Variants in BNC2 observed in about 807,000 individuals in gnomAD.
BNC2 encodes zinc finger protein basonuclin-2.
In BNC2, 20 loss-of-function variants were observed where a neutral mutation model predicts 76.3. The observed-to-expected ratio is 0.26, with a 90% CI of 0.18 to 0.38. BNC2 has a LOEUF of 0.38. Among genes scored for constraint, BNC2 ranks in the 10% least tolerant of loss-of-function variants. BNC2 has a pLI of 1.00. For missense variants in BNC2, 1,382 were observed against 1,399.8 expected, an observed-to-expected ratio of 0.99 and a Z score of 0.20; for synonymous variants, 582 against 514.8, an observed-to-expected ratio of 1.13 and a Z score of -1.77.
chr9:16,744,514 A>C (rs1002489112), intron 1 of BNC2, among the ~76,000 whole-genome samples: 4 of 152,216 alleles, frequency 2.6e-5, no homozygotes, highest in African/African-American at 9.6e-5. Context: ...GACAAACTAT[A>C]AAAGACGCAG....
intron 5 of BNC2, among the ~76,000 whole-genome samples, chr9:16,536,816 ATTTTAGTTTC>A: frequency 1.3e-5 from 2 of 152,270 alleles, no homozygotes; most frequent in East Asian, 3.9e-4. Flanking sequence ...TCTAAGCCAA[ATTTTAGTTTC>A]TGTCCTAAAC....
At chr9:16,463,809 C>T (rs1390726070) in intron 5 of BNC2, among the ~76,000 whole-genome samples, 1 of 151,824 alleles carries the variant, frequency 6.6e-6, no homozygotes, top group Non-Finnish European at 1.5e-5. Context: ...GTAATCCCAG[C>T]ACTTTGGGAG....
intron 1 of BNC2, among the ~76,000 whole-genome samples, chr9:16,760,224 A>G (rs1366363681): frequency 6.6e-6 from 1 of 152,198 alleles, no homozygotes; most frequent in African/African-American, 2.4e-5. Flanking sequence ...AACCTCCTCA[A>G]GGTGAGTAGT....
At chr9:16,536,278 T>C (rs528439594) in intron 5 of BNC2, among the ~76,000 whole-genome samples, 2 of 152,334 alleles carry the variant, frequency 1.3e-5, no homozygotes, top group African/African-American at 4.8e-5. Context: ...TATTTCAGAA[T>C]GGACTTTGTT....
intron 4 of BNC2, among the ~76,000 whole-genome samples, chr9:16,582,607 C>G (rs1208895542): frequency 6.6e-6 from 1 of 152,206 alleles, no homozygotes; most frequent in East Asian, 1.9e-4. Context: ...GAGGAGTTCT[C>G]AAGCAAGGAG....
intron 1 of BNC2, among the ~76,000 whole-genome samples, chr9:16,795,165 C>T (rs73649032): frequency 0.016 from 2,497 of 152,210 alleles, 68 homozygotes; most frequent in African/African-American, 0.058. Flanking sequence ...AACAGGAACA[C>T]TGCCTGCATC....
intron 6 of BNC2, chr9:16,429,217 C>CT (rs1179422279): frequency 1.3e-5 from 2 of 152,184 alleles, no homozygotes; most frequent in African/African-American, 2.4e-5. Context: ...GAAGGTATCC[C>CT]TTCCTCTTAG....
intron 3 of BNC2, among the ~76,000 whole-genome samples, chr9:16,666,367 A>G (rs144809576): frequency 5.8e-4 from 89 of 152,310 alleles, no homozygotes; most frequent in African/African-American, 2.1e-3. Context: ...ATAACTCTAT[A>G]TAGAAATTTT....
intron 5 of BNC2, among the ~76,000 whole-genome samples, chr9:16,480,588 G>A (rs1192412247): frequency 6.6e-6 from 1 of 152,202 alleles, no homozygotes. Context: ...GGGCTTGGCG[G>A]GCCCCACACT....
At chr9:16,590,187 A>AT (rs1158121078) in intron 3 of BNC2, among the ~76,000 whole-genome samples, 21 of 151,720 alleles carry the variant, frequency 1.4e-4, no homozygotes, top group African/African-American at 2.9e-4. Flanking sequence ...AAAAGAAGAA[A>AT]TTTTTTTTTA....
intron 1 of BNC2, among the ~76,000 whole-genome samples, chr9:16,774,685 G>A (rs1825917018): frequency 6.6e-6 from 1 of 152,186 alleles, no homozygotes; most frequent in South Asian, 2.1e-4. Context: ...TAAACATACT[G>A]AATATCTGAC....
At chr9:16,464,789 A>T (rs1821668709) in intron 5 of BNC2, among the ~76,000 whole-genome samples, 1 of 152,138 alleles carries the variant, frequency 6.6e-6, no homozygotes, top group Non-Finnish European at 1.5e-5. Flanking sequence ...TTTTTTCAAA[A>T]TTCATCTCCT....
chr9:16,780,339 C>T (rs1019642030), intron 1 of BNC2, among the ~76,000 whole-genome samples: 1 of 151,302 alleles, frequency 6.6e-6, no homozygotes, highest in Non-Finnish European at 1.5e-5. Flanking sequence ...TGTGGGAGGC[C>T]GAGGCTGGCA....
intron 1 of BNC2, among the ~76,000 whole-genome samples, chr9:16,840,672 C>G (rs561348254): frequency 6.6e-6 from 1 of 152,262 alleles, no homozygotes; most frequent in South Asian, 2.1e-4. Context: ...GGTCAAGGGA[C>G]TGGGTAAAAT....
At chr9:16,860,820 A>G (rs1819387326) in intron 1 of BNC2, among the ~76,000 whole-genome samples, 1 of 152,196 alleles carries the variant, frequency 6.6e-6, no homozygotes, top group South Asian at 2.1e-4. Context: ...AGACCAGCAG[A>G]TCACCTGAGG....
intron 4 of BNC2, among the ~76,000 whole-genome samples, chr9:16,553,567 A>G (rs1818730006): frequency 6.6e-6 from 1 of 152,260 alleles, no homozygotes; most frequent in Admixed American, 6.5e-5. Context: ...CAAATGACAA[A>G]CCAACATTTG....
intron 5 of BNC2, among the ~76,000 whole-genome samples, chr9:16,454,574 G>A (rs188531377): frequency 2.6e-5 from 4 of 152,316 alleles, no homozygotes; most frequent in Admixed American, 2.6e-4. Context: ...AAAGTGCTGG[G>A]ATTACAGGCG....
intron 3 of BNC2, among the ~76,000 whole-genome samples, chr9:16,617,255 CTTGA>C (rs1404592953): frequency 2.0e-5 from 3 of 152,082 alleles, no homozygotes; most frequent in Non-Finnish European, 4.4e-5. Context: ...TTGAACTAAA[CTTGA>C]TTATCAGATA....
chr9:16,547,308 G>T (rs1818515529), intron 5 of BNC2, among the ~76,000 whole-genome samples: 1 of 152,232 alleles, frequency 6.6e-6, no homozygotes, highest in African/African-American at 2.4e-5. Flanking sequence ...GCCCTCAACA[G>T]CCCAGCTGCT....
Sources: allele counts gnomAD v4.1 joint callset (sites outside exome capture counted in the v4.1 genomes callset), GRCh38; gene constraint gnomAD v4.1.1; transcripts MANE v1.5; gene names NCBI Gene and HGNC (gene_info 2026-07-23, HGNC 2026-07-21).